The following RAPGEF4 variants were observed in gnomAD, a reference collection of about 807,000 sequenced individuals.
The protein encoded by RAPGEF4 is RAP guanine-nucleotide-exchange factor (GEF) 4.
In RAPGEF4, 66 loss-of-function variants were observed where a neutral mutation model predicts 147.9. That is an observed-to-expected ratio of 0.45 (90% CI 0.37 to 0.55). RAPGEF4 has a LOEUF of 0.55. RAPGEF4 is among the 20% of genes least tolerant of loss of function. The probability of loss-of-function intolerance (pLI) is 0.00; values close to 1 mark genes in which losing one functional copy is unlikely to be tolerated. For synonymous variants in RAPGEF4, 419 were observed against 442.7 expected (o/e 0.95, Z 0.67); for missense variants, 1,071 against 1,257.3 (o/e 0.85, Z 2.24).
intron 8 of RAPGEF4, among the ~76,000 whole-genome samples, chr2:172,962,924 A>G (rs1374705750): frequency 1.3e-5 from 2 of 152,162 alleles, no homozygotes; most frequent in African/African-American, 4.8e-5. Flanking sequence ...ATAAAGAACT[A>G]TCTGAGACTG....
chr2:173,021,684 G>A (rs981101631), intron 23 of RAPGEF4, among the ~76,000 whole-genome samples: 13 of 152,198 alleles, frequency 8.5e-5, no homozygotes, highest in African/African-American at 3.1e-4. Context: ...TGCATGAGTA[G>A]GTTTCAAGTT....
intron 4 of RAPGEF4, among the ~76,000 whole-genome samples, chr2:172,880,524 T>G (rs1696505081): frequency 6.6e-6 from 1 of 152,192 alleles, no homozygotes; most frequent in Non-Finnish European, 1.5e-5. Context: ...AAGTCTAGAT[T>G]TTGAAGAACT....
chr2:172,980,714 A>G (rs1372736485), intron 10 of RAPGEF4, among the ~76,000 whole-genome samples: 3 of 152,148 alleles, frequency 2.0e-5, no homozygotes, highest in African/African-American at 7.2e-5. Flanking sequence ...ATGATGTCAA[A>G]TTTTTAGTAT....
At chr2:173,050,879 G>C (rs943776137) in intron 30 of RAPGEF4, among the ~76,000 whole-genome samples, 17 of 152,132 alleles carry the variant, frequency 1.1e-4, no homozygotes, top group South Asian at 4.2e-4. Context: ...CCACCTTCTG[G>C]TCTGGCTTTC....
chr2:173,011,170 G>GCGCGCACA (rs564434178), intron 17 of RAPGEF4, among the ~76,000 whole-genome samples: 18,404 of 133,366 alleles, frequency 0.14, 1,402 homozygotes, highest in Non-Finnish European at 0.16. Context: ...GCGCGCGCGC[G>GCGCGCACA]CACACACACA....
intron 16 of RAPGEF4, among the ~76,000 whole-genome samples, chr2:172,997,556 C>T (rs1252111064): frequency 2.0e-5 from 3 of 152,146 alleles, no homozygotes; most frequent in African/African-American, 4.8e-5. Flanking sequence ...ACAAATCTCA[C>T]CAGTGAACTA....
intron 19 of RAPGEF4, 64 bp from the exon 20 acceptor site, chr2:173,017,110 T>C (rs1695573845): frequency 2.0e-6 from 3 of 1,480,618 alleles, no homozygotes; most frequent in East Asian, 2.3e-5. Context: ...ATTAGTTATA[T>C]ACAAATAAGG....
chr2:172,967,207 G>A lies in RAPGEF4; in HGVS notation c.821-54G>A, dbSNP rs528784189. On this transcript the variant is annotated intron_variant, in intron 9 of 30. Transcript: ENST00000397081. ...CACTCTGCATTTGTTTCTAGTAAAC[G>A]GAGCTGTGAGGCCGAGGTGCTGCAG... is the stretch of plus-strand genomic sequence containing the variant. The A allele has an allele frequency of 1.2e-4, 188 of 1,540,278 alleles. No individual in the cohort carries two copies. In the African/African-American group the frequency reaches 1.7e-3, roughly 14 times the overall value.
intron 1 of RAPGEF4, among the ~76,000 whole-genome samples, chr2:172,794,194 A>G (rs1178121401): frequency 3.3e-5 from 5 of 151,998 alleles, no homozygotes; most frequent in Admixed American, 1.3e-4. Flanking sequence ...CCTGGCCAAC[A>G]TAGTGAAACC....
At chr2:173,047,436 C>G (rs539300489) in intron 29 of RAPGEF4, among the ~76,000 whole-genome samples, 1 of 152,242 alleles carries the variant, frequency 6.6e-6, no homozygotes, top group South Asian at 2.1e-4. Context: ...TGAATACATG[C>G]TTTTTAAAAA....
Position 172,798,865 on chromosome 2 carries a change from A to C in RAPGEF4, c.297+1252A>C, listed in dbSNP as rs16860879. Among the ~76,000 whole-genome samples, 569 of 152,336 alleles carry C rather than the reference A, an allele frequency of 3.7e-3. 28 individuals carry two copies. In the East Asian group the frequency reaches 0.091, roughly 24 times the overall value. On this transcript the variant is annotated intron_variant, in intron 3 of 30. Transcript: ENST00000397081. ...TAATGGAGGGTTAAATTCTCAGGCC[A>C]GTGTCCAAATCCTGTGTAATCCATA... is the stretch of plus-strand genomic sequence containing the variant.
intron 10 of RAPGEF4, among the ~76,000 whole-genome samples, chr2:172,973,258 G>A (rs1415637782): frequency 2.0e-5 from 3 of 151,518 alleles, no homozygotes; most frequent in Admixed American, 6.6e-5. Flanking sequence ...AACTACAGGC[G>A]CATGCCACCA....
chr2:172,859,933 G>T (rs1693836138), intron 4 of RAPGEF4: 1 of 738,528 alleles, frequency 1.4e-6, no homozygotes, highest in Non-Finnish European at 1.7e-6. Context: ...AGGCTCGGTA[G>T]AATAAACAGT....
chr2:172,796,675 C>G (rs1361576650), intron 2 of RAPGEF4, among the ~76,000 whole-genome samples: 1 of 152,092 alleles, frequency 6.6e-6, no homozygotes, highest in Non-Finnish European at 1.5e-5. Context: ...GCATATGCCA[C>G]CATGTCATCA....
At chr2:172,777,037 G>A (rs1289734363) in intron 1 of RAPGEF4, among the ~76,000 whole-genome samples, 4 of 152,078 alleles carry the variant, frequency 2.6e-5, no homozygotes, top group Non-Finnish European at 5.9e-5. Context: ...TGAGAGTCTG[G>A]ATTGTGTTTC....
At chr2:172,907,749 A>G (rs1346132493) in intron 4 of RAPGEF4, among the ~76,000 whole-genome samples, 1 of 152,202 alleles carries the variant, frequency 6.6e-6, no homozygotes, top group African/African-American at 2.4e-5. Flanking sequence ...GCTGGAGACT[A>G]TCTGGTTGGA....
chr2:172,810,386 C>T (rs987355951), intron 3 of RAPGEF4, among the ~76,000 whole-genome samples: 4 of 152,236 alleles, frequency 2.6e-5, no homozygotes, highest in African/African-American at 9.6e-5. Flanking sequence ...ATAAATGAGG[C>T]ATCGTCATTG....
intron 6 of RAPGEF4, among the ~76,000 whole-genome samples, chr2:172,927,178 G>A (rs1209965361): frequency 2.0e-5 from 3 of 152,120 alleles, no homozygotes; most frequent in African/African-American, 7.2e-5. Context: ...GGTTTCAAAT[G>A]GCAACTAGTA....
At position 172,996,326 on chromosome 2, in the gene RAPGEF4, T is replaced by C. The variant is rs1469567549; in HGVS notation, c.1491-140T>C. ...GTCTTCTTGTGTGACTTTGACAAAG[T>C]GTGTGGTCTCTCTTACCATGAAAGG... On this transcript the variant is annotated intron_variant, in intron 15 of 30. Transcript: ENST00000397081. 3 of 479,546 alleles carry C rather than the reference T, an allele frequency of 6.3e-6. No individual in the cohort carries two copies. The South Asian group carries it at 1.1e-4, about 18-fold the overall frequency. The allele number at this position is 479,546 out of a possible 1,614,324, so 29.7% of individuals were successfully genotyped here. A position where few individuals can be genotyped will look rare whatever the true frequency, so the allele number is the denominator to read the frequency against.
Sources: allele counts gnomAD v4.1 joint callset (sites outside exome capture counted in the v4.1 genomes callset), GRCh38; gene constraint gnomAD v4.1.1; transcripts MANE v1.5; gene names NCBI Gene and HGNC (gene_info 2026-07-23, HGNC 2026-07-21).